The following TRPM1 variants were observed in gnomAD, a reference collection of about 807,000 sequenced individuals.
TRPM1 encodes transient receptor potential cation channel subfamily M member 1.
TRPM1 carries 113 observed loss-of-function variants against 149.4 expected under a neutral mutation model. That is an observed-to-expected ratio of 0.76 (90% CI 0.65 to 0.88). The LOEUF is 0.88. TRPM1 is among the 40% of genes least tolerant of loss of function. TRPM1 has a pLI of 0.00. For synonymous variants in TRPM1, 741 were observed against 759.5 expected, an observed-to-expected ratio of 0.98 and a Z score of 0.40; for missense variants, 1,976 against 2,038.7, an observed-to-expected ratio of 0.97 and a Z score of 0.59.
chr15:31,006,001 T>C (rs2031974341), intron 27 of TRPM1, among the ~76,000 whole-genome samples: 1 of 152,188 alleles, frequency 6.6e-6, no homozygotes, highest in Admixed American at 6.5e-5. Flanking sequence ...GAGATATGAT[T>C]AATCAGCAAA....
At chr15:31,152,710 A>G (rs1382321726) in intron 1 of TRPM1, among the ~76,000 whole-genome samples, 1 of 152,144 alleles carries the variant, frequency 6.6e-6, no homozygotes, top group African/African-American at 2.4e-5. Flanking sequence ...TGGTGCGATC[A>G]TGGCTCGCTG....
At chr15:31,113,533 T>C (rs2035741589) in intron 1 of TRPM1, among the ~76,000 whole-genome samples, 1 of 151,746 alleles carries the variant, frequency 6.6e-6, no homozygotes, top group Admixed American at 6.6e-5. Context: ...AAAAAACATT[T>C]TTCTTTGTAC....
chr15:31,112,785 T>TC (rs996406502), intron 1 of TRPM1, among the ~76,000 whole-genome samples: 3 of 152,260 alleles, frequency 2.0e-5, no homozygotes, highest in African/African-American at 7.2e-5. Context: ...TCCTGTATTT[T>TC]CCTCTTGGAG....
rs73375964 is a variant in TRPM1, at chr15:31,120,331, G to T, written c.54+40575C>A. Among the ~76,000 whole-genome samples the T allele has an allele frequency of 2.1e-3, 318 of 152,088 alleles. 2 individuals are homozygous for T. Among genetic ancestry groups the T allele is most frequent in the African/African-American group, 7.3e-3 (302 of 41,498 alleles). On this transcript the variant is annotated intron_variant, in intron 1 of 26. Coordinates refer to the TRPM1 transcript ENST00000542188. ...GGACATTACATAATAATAATAAAGG[G>T]GTCAGTTCTCCAAGAAGATGTAAGA...
chr15:31,039,753 C>G (rs1441446205), intron 18 of TRPM1, among the ~76,000 whole-genome samples: 3 of 152,180 alleles, frequency 2.0e-5, no homozygotes, highest in Non-Finnish European at 2.9e-5. Context: ...CCAGTCCCTC[C>G]TTTAATGGTG....
At position 31,066,227 on chromosome 15, in the gene TRPM1, G is replaced by T; in HGVS notation, c.639C>A (p.Thr213=). 1.2e-6 allele frequency: 2 copies of T among 1,614,126 alleles called. No individual in the cohort carries two copies. The highest frequency in any genetic ancestry group is 1.3e-5 in the African/African-American group (1 of 75,030). The change falls in exon 7 of 28, where the codon ACC becomes ACA. Residue 213 remains threonine, a synonymous_variant. Transcript: ENST00000256552. ...VGKDVTRVYQ[T]MSNPLSKLSV... Reference sequence around the variant, plus strand: ...AGAGCTTACTTAGAGGGTTGGACATGGTCTGGTACACTCTTGTTACCTGAC... The same window carrying T: ...AGAGCTTACTTAGAGGGTTGGACATTGTCTGGTACACTCTTGTTACCTGAC...
intron 27 of TRPM1, among the ~76,000 whole-genome samples, chr15:31,005,167 C>A (rs2031944239): frequency 1.3e-5 from 2 of 151,012 alleles, no homozygotes; most frequent in Non-Finnish European, 3.0e-5. Flanking sequence ...AGTTCTATTA[C>A]CCTGATTATT....
intron 1 of TRPM1, among the ~76,000 whole-genome samples, chr15:31,097,020 C>T (rs1338057956): frequency 2.0e-5 from 3 of 152,224 alleles, no homozygotes; most frequent in Non-Finnish European, 4.4e-5. Flanking sequence ...ATCAGACTGC[C>T]GGGCCCCTTT....
At position 31,001,878 on chromosome 15, in the gene TRPM1, T is replaced by C. The variant is rs1363694081; in HGVS notation, c.4822A>G (p.Thr1608Ala). Residue 1608 changes from threonine to alanine, a missense_variant, in exon 28 of 28, where the codon ACA (threonine) becomes GCA (alanine). Thr to Ala is a moderately conservative substitution (Grantham distance 58, BLOSUM62 0). Coordinates refer to ENST00000256552, the MANE Select transcript of TRPM1 (RefSeq NM_001252024.2). ...TTCTTAACCTTTTTTTCTTCTGCTG[T>C]CATTCCAGACACAATTACTAAGCTG... ...VSSLVIVSGM[T>A]AEEKKVKKEK... The C allele has an allele frequency of 1.2e-6, 2 of 1,614,018 alleles. No individual in the cohort carries two copies. The highest frequency in any genetic ancestry group is 2.2e-5 in the South Asian group (2 of 91,072).
chr15:31,030,577 C>A (rs755402779), intron 23 of TRPM1, among the ~76,000 whole-genome samples: 2 of 152,118 alleles, frequency 1.3e-5, no homozygotes, highest in Non-Finnish European at 2.9e-5. Context: ...GGAAAATGGG[C>A]TCTGATGGCT....
chr15:31,080,783 G>T (rs1018702220), intron 2 of TRPM1, among the ~76,000 whole-genome samples: 9 of 149,926 alleles, frequency 6.0e-5, no homozygotes, highest in Admixed American at 3.3e-4. Flanking sequence ...TTCCCTGGCA[G>T]CCCCTCTCAC....
At chr15:31,037,060 G>A (rs1166537975) in intron 20 of TRPM1, among the ~76,000 whole-genome samples, 3 of 152,246 alleles carry the variant, frequency 2.0e-5, no homozygotes, top group African/African-American at 7.2e-5. Flanking sequence ...AAGCCACAGT[G>A]TGCCTGGCCA....
intron 27 of TRPM1, among the ~76,000 whole-genome samples, chr15:31,022,970 C>T (rs1229199635): frequency 2.0e-5 from 3 of 152,212 alleles, no homozygotes; most frequent in African/African-American, 7.2e-5. Context: ...TGTGGTGAGA[C>T]CTGATTGTGC....
chr15:31,113,784 G>A (rs1442770442), intron 1 of TRPM1, among the ~76,000 whole-genome samples: 7 of 152,186 alleles, frequency 4.6e-5, no homozygotes, highest in Admixed American at 6.5e-5. Context: ...AGCTCTTAAA[G>A]GTGGCAAGGA....
chr15:31,036,740 T>A (rs1246078781), intron 20 of TRPM1, among the ~76,000 whole-genome samples: 2 of 152,222 alleles, frequency 1.3e-5, no homozygotes, highest in South Asian at 2.1e-4. Flanking sequence ...GGCCCTCAGA[T>A]GGTTCTAACC....
intron 1 of TRPM1, among the ~76,000 whole-genome samples, chr15:31,118,905 G>C (rs2035838804): frequency 6.7e-6 from 1 of 149,590 alleles, no homozygotes; most frequent in Non-Finnish European, 1.5e-5. Context: ...ATTTGATGGG[G>C]AAGGGACACA....
At chr15:31,157,863 A>G (rs1427884399) in intron 1 of TRPM1, among the ~76,000 whole-genome samples, 2 of 152,222 alleles carry the variant, frequency 1.3e-5, no homozygotes, top group Non-Finnish European at 2.9e-5. Flanking sequence ...AGACTCGTAC[A>G]TAGTGCAGTT....
chr15:31,077,032 A>T (rs760552742), intron 2 of TRPM1, 48 bp from the exon 3 acceptor site: 1 of 1,236,896 alleles, frequency 8.1e-7, no homozygotes, highest in South Asian at 1.2e-5. Context: ...TTCCCAAGCC[A>T]TCATCAGAGT....
chr15:31,104,283 C>T (rs545837638), upstream of TRPM1, among the ~76,000 whole-genome samples: 1 of 152,232 alleles, frequency 6.6e-6, no homozygotes, highest in South Asian at 2.1e-4. Flanking sequence ...CTGTGTGGGG[C>T]CCTGATGAGG....
Sources: allele counts gnomAD v4.1 joint callset (sites outside exome capture counted in the v4.1 genomes callset), GRCh38; gene constraint gnomAD v4.1.1; transcripts MANE v1.5; gene names NCBI Gene and HGNC (gene_info 2026-07-23, HGNC 2026-07-21).